Variants in CTIF observed in about 807,000 individuals in gnomAD.
CTIF encodes the protein cap binding complex dependent translation initiation factor, also known as CBP80/20-dependent translation initiation factor.
A neutral mutation model predicts 66.0 loss-of-function variants in CTIF; 21 were observed. The ratio of observed to expected loss-of-function variants is 0.32; its 90% confidence interval spans 0.23 to 0.46. CTIF has a LOEUF of 0.46. Among genes scored for constraint, CTIF ranks in the 20% least tolerant of loss-of-function variants. The probability of loss-of-function intolerance (pLI) is 1.00; values close to 1 mark genes in which losing one functional copy is unlikely to be tolerated. For missense variants in CTIF, 739 were observed against 812.7 expected (o/e 0.91, Z 1.10); for synonymous variants, 345 against 326.4 (o/e 1.06, Z -0.62).
At chr18:48,799,572 A>T (rs375673995) in intron 9 of CTIF, among the ~76,000 whole-genome samples, 2 of 152,088 alleles carry the variant, frequency 1.3e-5, no homozygotes, top group East Asian at 3.9e-4. Flanking sequence ...CCCATCCTAG[A>T]TGCCACCCTT....
At chr18:48,775,422 G>A (rs1241270073) in intron 9 of CTIF, among the ~76,000 whole-genome samples, 1 of 152,252 alleles carries the variant, frequency 6.6e-6, no homozygotes. Flanking sequence ...AAAGCGCCAT[G>A]AGATGCCCAC....
At chr18:48,762,511 G>C (rs1909104910) in intron 9 of CTIF, among the ~76,000 whole-genome samples, 1 of 152,226 alleles carries the variant, frequency 6.6e-6, no homozygotes. Flanking sequence ...TCCTGGGACT[G>C]TCCTTGGAGA....
chr18:48,812,308 G>A (rs1459472663), intron 9 of CTIF, among the ~76,000 whole-genome samples: 1 of 152,168 alleles, frequency 6.6e-6, no homozygotes, highest in Non-Finnish European at 1.5e-5. Flanking sequence ...AATTTTTTAA[G>A]ATAAACATGT....
intron 9 of CTIF, among the ~76,000 whole-genome samples, chr18:48,769,920 A>G (rs1181395795): frequency 6.6e-6 from 1 of 152,134 alleles, no homozygotes; most frequent in Admixed American, 6.5e-5. Flanking sequence ...CATTGCATTC[A>G]AGGACCCAGG....
chr18:48,809,821 CAT>C lies in CTIF; in HGVS notation c.1372-7398_1372-7397del, dbSNP rs779909051. ...TTCATCATTTTTTCAAAATTATCAA[CAT>C]AGAGTTATAAATAATTTTATTATAC... On this transcript the variant is annotated intron_variant, in intron 9 of 11. Coordinates refer to ENST00000256413, the MANE Select transcript of CTIF (RefSeq NM_014772.3). Among the ~76,000 whole-genome samples, 123 of 151,806 alleles carry C rather than the reference CAT, an allele frequency of 8.1e-4. 1 individual carries two copies. The highest frequency in any genetic ancestry group is 1.4e-3 in the African/African-American group (56 of 41,472).
chr18:48,711,906 C>T (rs1176974512), intron 7 of CTIF, among the ~76,000 whole-genome samples: 3 of 152,154 alleles, frequency 2.0e-5, no homozygotes, highest in Admixed American at 1.3e-4. Context: ...GGATTGGCTC[C>T]CTTCAGGCGT....
chr18:48,779,753 C>A (rs1373351163), intron 9 of CTIF, among the ~76,000 whole-genome samples: 2 of 152,254 alleles, frequency 1.3e-5, no homozygotes, highest in African/African-American at 4.8e-5. Flanking sequence ...GGTTCCTTGT[C>A]CTCCCAAGGG....
At chr18:48,729,083 C>G (rs1308495584) in intron 7 of CTIF, among the ~76,000 whole-genome samples, 3 of 152,222 alleles carry the variant, frequency 2.0e-5, no homozygotes, top group African/African-American at 7.2e-5. Flanking sequence ...GTCCTCCCCT[C>G]TGCGCTTCCA....
intron 2 of CTIF, among the ~76,000 whole-genome samples, chr18:48,628,272 T>C (rs946005462): frequency 5.9e-5 from 9 of 152,162 alleles, no homozygotes; most frequent in African/African-American, 2.2e-4. Flanking sequence ...ACCAGTTCGA[T>C]GCACATTGGT....
At chr18:48,837,165 G>A (rs185218480) in intron 10 of CTIF, among the ~76,000 whole-genome samples, 1 of 152,250 alleles carries the variant, frequency 6.6e-6, no homozygotes, top group East Asian at 1.9e-4. Context: ...CTTTCCCGGG[G>A]CCTCCCATAC....
At chr18:48,622,639 G>A (rs1272624881) in intron 2 of CTIF, among the ~76,000 whole-genome samples, 2 of 152,136 alleles carry the variant, frequency 1.3e-5, no homozygotes, top group Non-Finnish European at 2.9e-5. Flanking sequence ...TATGCTTATT[G>A]CACAGCTAAT....
At chr18:48,580,691 C>G (rs527721263) in intron 1 of CTIF, among the ~76,000 whole-genome samples, 10 of 152,206 alleles carry the variant, frequency 6.6e-5, no homozygotes, top group Non-Finnish European at 1.3e-4. Flanking sequence ...GTTTACCGGA[C>G]CGTCGTCTTT....
In CTIF at chr18:48,816,491, A is replaced by G. The variant is rs78283729; in HGVS notation, c.1372-730A>G. Among the ~76,000 whole-genome samples, 178 of 152,234 alleles carry G rather than the reference A, an allele frequency of 1.2e-3. 7 individuals are homozygous for G. The East Asian group carries it at 0.033, about 28-fold the overall frequency. ...TGTTGAGCACTGGTATGACTGTGGTATTTCATGGCCCCATCCCCAAAACCT... is the reference window on the plus strand; with the variant it reads ...TGTTGAGCACTGGTATGACTGTGGTGTTTCATGGCCCCATCCCCAAAACCT... On this transcript the variant is annotated intron_variant, in intron 9 of 11. Coordinates refer to ENST00000256413, the MANE Select transcript of CTIF (RefSeq NM_014772.3).
chr18:48,561,972 C>T lies in CTIF; in HGVS notation c.-29+22660C>T, dbSNP rs9950881. Among the ~76,000 whole-genome samples the T allele has an allele frequency of 9.3e-3, 1,415 of 152,300 alleles. 19 individuals are homozygous for T. The highest frequency in any genetic ancestry group is 0.031 in the African/African-American group (1,306 of 41,556). ...ATGCCTGTTTCTTCACGTACATCTA[C>T]GGTTGCTTTTGGCTGGTTACAAAAA... On this transcript the variant is annotated intron_variant, in intron 1 of 11. Transcript: ENST00000256413.
intron 10 of CTIF, among the ~76,000 whole-genome samples, chr18:48,824,833 G>A (rs936635823): frequency 6.6e-6 from 1 of 152,048 alleles, no homozygotes; most frequent in Non-Finnish European, 1.5e-5. Flanking sequence ...GTAGAGACGG[G>A]GTTTCGCCAT....
intron 7 of CTIF, among the ~76,000 whole-genome samples, chr18:48,720,143 C>T (rs971807481): frequency 3.9e-5 from 6 of 152,082 alleles, no homozygotes. Context: ...GAGAAGTGAC[C>T]GTACTTGCTC....
intron 4 of CTIF, among the ~76,000 whole-genome samples, chr18:48,664,196 G>T (rs530606027): frequency 6.6e-6 from 1 of 152,334 alleles, no homozygotes; most frequent in South Asian, 2.1e-4. Flanking sequence ...AACAAACTCA[G>T]GTGTTGCAGA....
At chr18:48,548,366 C>A (rs1482647300) in intron 1 of CTIF, among the ~76,000 whole-genome samples, 2 of 152,238 alleles carry the variant, frequency 1.3e-5, no homozygotes, top group African/African-American at 4.8e-5. Context: ...CTAGAGAATT[C>A]ACATCTTGGC....
chr18:48,729,726 G>T (rs759315603), intron 7 of CTIF, among the ~76,000 whole-genome samples: 4 of 152,238 alleles, frequency 2.6e-5, no homozygotes, highest in Non-Finnish European at 4.4e-5. Context: ...TGGTGATCTG[G>T]AGTTGTCTTC....
Sources: gnomAD v4.1 joint callset for allele counts (sites outside exome capture counted in the v4.1 genomes callset) on GRCh38, gnomAD v4.1.1 for gene constraint, MANE v1.5 for transcripts, NCBI Gene and HGNC (gene_info 2026-07-23, HGNC 2026-07-21) for gene names.